The following ADGRE2 variants were observed in gnomAD, a reference collection of about 807,000 sequenced individuals.
ADGRE2 encodes adhesion G protein-coupled receptor E2, also known as CD97 antigen.
Under a neutral mutation model 100.8 loss-of-function variants are expected in ADGRE2, and 83 were observed. That is an observed-to-expected ratio of 0.82 (90% confidence interval 0.69 to 0.99). The LOEUF (loss-of-function observed/expected upper bound fraction) is 0.99, where lower values mean the gene tolerates loss of function less well. Ranked by LOEUF, ADGRE2 falls within the 50% of genes least tolerant of loss-of-function variation. ADGRE2 has a pLI of 0.00. For synonymous variants in ADGRE2, 355 were observed against 413.0 expected, an observed-to-expected ratio of 0.86 and a Z score of 1.70; for missense variants, 814 against 1,035.7, an observed-to-expected ratio of 0.79 and a Z score of 2.94.
chr19:14,759,949 G>A (rs1186823304), intron 11 of ADGRE2, among the ~76,000 whole-genome samples: 1 of 151,470 alleles, frequency 6.6e-6, no homozygotes, highest in Non-Finnish European at 1.5e-5. Flanking sequence ...CTCCCGAGTA[G>A]CTGGGACTAC....
At chr19:14,755,538 C>G in intron 13 of ADGRE2, 116 bp downstream of exon 13, 1 of 927,452 alleles carries the variant, frequency 1.1e-6, no homozygotes, top group Non-Finnish European at 1.7e-6. Flanking sequence ...GACTGACTTT[C>G]CTGGGGAGAT....
In ADGRE2 at chr19:14,772,474, A is replaced by T; in HGVS notation, c.223T>A (p.Ser75Thr). Residue 75 changes from serine (S) to threonine (T), a missense_variant, in exon 5 of 21, where the codon TCG (serine) becomes ACG (threonine). Physicochemically the swap from Ser to Thr is moderately conservative, Grantham distance 58. This residue lies in a region of ADGRE2 where 143 missense variants were observed against 160.3 expected (regional missense o/e 0.89). Coordinates refer to ENST00000315576, the MANE Select transcript of ADGRE2 (RefSeq NM_013447.4). ...CDDINECATL[S>T]KVSCGKFSDC... is the part of the protein sequence containing the mutation. ...GAGAATTTTCCGCATGACACTTTCG[A>T]CAGTGTTGCACACTCGTTGATGTCT... 6.2e-7 allele frequency: 1 copy of T among 1,613,984 alleles called. No individual in the cohort carries two copies. The highest frequency in any genetic ancestry group is 8.5e-7 in the Non-Finnish European group (1 of 1,180,022).
intron 5 of ADGRE2, among the ~76,000 whole-genome samples, chr19:14,771,555 G>A (rs2044207742): frequency 6.6e-6 from 1 of 152,190 alleles, no homozygotes; most frequent in Non-Finnish European, 1.5e-5. Context: ...TCTTCTGAGT[G>A]CCAGCCAGGA....
intron 2 of ADGRE2, among the ~76,000 whole-genome samples, chr19:14,774,840 A>AT (rs983216341): frequency 6.7e-6 from 1 of 148,446 alleles, no homozygotes; most frequent in Non-Finnish European, 1.5e-5. Flanking sequence ...TGCCTGGCTA[A>AT]TTTTTTGTAT....
At chr19:14,750,350 G>A (rs2043245901) in intron 16 of ADGRE2, among the ~76,000 whole-genome samples, 1 of 151,112 alleles carries the variant, frequency 6.6e-6, no homozygotes, top group African/African-American at 2.4e-5. Flanking sequence ...AAAAGCATTT[G>A]ACAAAATCAA....
intron 15 of ADGRE2, 89 bp from the exon 16 acceptor site, chr19:14,751,760 C>G: frequency 2.2e-6 from 2 of 915,112 alleles, no homozygotes; most frequent in South Asian, 3.2e-5. Flanking sequence ...GGGGAGAATT[C>G]TGAGATATTT....
chr19:14,738,964 CTTTTCTT>C (rs1268206675), intron 20 of ADGRE2, among the ~76,000 whole-genome samples: 4 of 131,286 alleles, frequency 3.0e-5, no homozygotes, highest in Non-Finnish European at 6.4e-5. Context: ...CTTTTCTTTT[CTTTTCTT>C]TTTTTTTTTT....
At chr19:14,765,436 C>T (rs375444483) in intron 9 of ADGRE2, 39 bp from the exon 10 acceptor site, 201 of 1,613,700 alleles carry the variant, frequency 1.2e-4, no homozygotes, top group South Asian at 2.2e-4. Flanking sequence ...AGAGCCTGGA[C>T]GGCGGGTGGG....
rs369290204 is a variant in ADGRE2 at position 14,765,796 on chromosome 19, C to T, written c.643G>A (p.Glu215Lys). 9.3e-6 allele frequency: 15 copies of T among 1,612,990 alleles called. No homozygotes were observed. The highest frequency in any genetic ancestry group is 1.7e-4 in the Middle Eastern group (1 of 6,042). The change falls in exon 8 of 21, where the codon GAG becomes AAG. Residue 215 changes from glutamate (E) to lysine (K), a missense_variant. Coordinates refer to ENST00000315576, the MANE Select transcript of ADGRE2 (RefSeq NM_013447.4). Reference protein sequence around the residue: ...PNNTVCEDVDECSSGQHQCDS... With the variant: ...PNNTVCEDVDKCSSGQHQCDS... ...CACTGATGCTGCCCGGAGCTGCACTCGTCCACATCTGAGGACAGGAAGAAG... is the reference window on the plus strand; with the variant it reads ...CACTGATGCTGCCCGGAGCTGCACTTGTCCACATCTGAGGACAGGAAGAAG...
intron 12 of ADGRE2, 26 bp from the exon 13 acceptor site, chr19:14,755,903 C>T (rs958367289): frequency 6.3e-7 from 1 of 1,597,126 alleles, no homozygotes; most frequent in Non-Finnish European, 8.6e-7. Flanking sequence ...AAGGTTGAAT[C>T]TTGGAGTAGG....
chr19:14,773,893 C>G, intron 4 of ADGRE2, 45 bp downstream of exon 4: 3 of 1,569,856 alleles, frequency 1.9e-6, no homozygotes, highest in Non-Finnish European at 2.6e-6. Context: ...TGGGCTATGC[C>G]TCATAATCGC....
At position 14,757,890 on chromosome 19, in the gene ADGRE2, G is replaced by A. The variant is rs141455697; in HGVS notation, c.1085-1545C>T. Among the ~76,000 whole-genome samples the A allele has an allele frequency of 3.9e-5, 6 of 152,298 alleles. No homozygotes were observed. In the East Asian group the frequency reaches 7.7e-4, roughly 20 times the overall value. ...ACAATCTCAGCTCACTGCAACCTCC[G>A]TGTCCCAGGTTCAAGCAATTCTCCT... On this transcript the variant is annotated intron_variant, in intron 11 of 20. Transcript: ENST00000315576.
intron 10 of ADGRE2, among the ~76,000 whole-genome samples, chr19:14,765,016 A>G (rs1227679386): frequency 6.6e-6 from 1 of 151,194 alleles, no homozygotes; most frequent in Non-Finnish European, 1.5e-5. Context: ...ACTCCGTCTA[A>G]AAAAAAAATG....
chr19:14,769,978 A>G (rs370036067), intron 5 of ADGRE2, among the ~76,000 whole-genome samples: 36 of 152,308 alleles, frequency 2.4e-4, no homozygotes, highest in Middle Eastern at 3.4e-3. Flanking sequence ...GATTACAGGC[A>G]TGAGCCACTG....
Position 14,776,975 on chromosome 19 carries a change from T to TGCGC in ADGRE2, c.-171-49_-171-48insGCGC, listed in dbSNP as rs1555791125. ...AATAAAAACACAGAACCAGGGGCGC[T>TGCGC]GCACACACACACACACACACACACA... On this transcript the variant is annotated intron_variant, in intron 1 of 20. Transcript: ENST00000315576. The TGCGC allele has an allele frequency of 3.2e-4, 202 of 640,824 alleles. 1 individual carries two copies. The highest frequency in any genetic ancestry group is 2.3e-3 in the Middle Eastern group (4 of 1,720). The allele number at this position is 640,824 out of a possible 1,614,324, so 39.7% of individuals were successfully genotyped here.
At chr19:14,773,297 C>T (rs2044288786) in intron 4 of ADGRE2, among the ~76,000 whole-genome samples, 1 of 149,124 alleles carries the variant, frequency 6.7e-6, no homozygotes, top group African/African-American at 2.5e-5. Flanking sequence ...TCCCTTCCTT[C>T]CTTCCTTCTT....
intron 20 of ADGRE2, among the ~76,000 whole-genome samples, chr19:14,741,107 T>TTC (rs944817836): frequency 6.7e-6 from 1 of 150,352 alleles, no homozygotes; most frequent in African/African-American, 2.5e-5. Flanking sequence ...TTTTTTTTTT[T>TTC]TTTTGGCAGA....
chr19:14,749,724 G>A (rs1484165502), intron 16 of ADGRE2, among the ~76,000 whole-genome samples: 1 of 130,460 alleles, frequency 7.7e-6, no homozygotes, highest in African/African-American at 2.9e-5. Context: ...TTATAGCTAT[G>A]TTATGTAATT....
chr19:14,769,112 G>A (rs554681424), intron 5 of ADGRE2, among the ~76,000 whole-genome samples: 2 of 152,248 alleles, frequency 1.3e-5, no homozygotes, highest in South Asian at 2.1e-4. Context: ...ATACCAGGTC[G>A]GACATGGTGG....
Sources: gnomAD v4.1 joint callset for allele counts (sites outside exome capture counted in the v4.1 genomes callset) on GRCh38, gnomAD v4.1.1 for gene constraint, gnomAD v4.1.1 regional missense constraint, MANE v1.5 for transcripts, NCBI Gene and HGNC (gene_info 2026-07-23, HGNC 2026-07-21) for gene names.